The following PCDHGC3 variants were observed in gnomAD, a reference collection of about 807,000 sequenced individuals.
PCDHGC3 encodes protocadherin gamma subfamily C, 3, also known as protocadherin gamma-C3.
PCDHGC3 carries 26 observed loss-of-function variants against 59.2 expected under a neutral mutation model. The observed-to-expected ratio is 0.44, with a 90% CI of 0.32 to 0.61. PCDHGC3 has a LOEUF of 0.61. PCDHGC3 is among the 20% of genes least tolerant of loss of function. PCDHGC3 has a pLI of 0.05. For synonymous variants in PCDHGC3, 487 were observed against 519.7 expected, an observed-to-expected ratio of 0.94 and a Z score of 0.86; for missense variants, 1,080 against 1,221.8, an observed-to-expected ratio of 0.88 and a Z score of 1.73.
Position 141,490,397 on chromosome 5 carries a change from G to A in PCDHGC3, c.2431-4410G>A. 6.2e-7 allele frequency: 1 copy of A among 1,614,170 alleles called. No individual in the cohort carries two copies. Among genetic ancestry groups the A allele is most frequent in the South Asian group, 1.1e-5 (1 of 91,080 alleles). On this transcript the variant is annotated intron_variant, in intron 1 of 3. Coordinates refer to ENST00000308177, the MANE Select transcript of PCDHGC3 (RefSeq NM_002588.4). This position sits in a 1 kb window ranked among gnomAD's most constrained non-coding sequence, Gnocchi z 5.4. ...GACTCAGGTAGAAATGGTGAAGTGA[G>A]CCTTGATATCTCTCCGGACCTGCCA...
chr5:141,477,191 A>C lies in PCDHGC3; in HGVS notation c.1075A>C (p.Ser359Arg). 1 of 1,614,210 alleles carries C rather than the reference A, an allele frequency of 6.2e-7. No individual in the cohort carries two copies. The highest frequency in any genetic ancestry group is 1.1e-5 in the South Asian group (1 of 91,086). Reference protein sequence around the residue: ...APEITVTSVYSPVPEDAPLGT... With the variant: ...APEITVTSVYRPVPEDAPLGT... ...GGAGATCACAGTCACCTCCGTGTAC[A>C]GCCCAGTACCCGAGGATGCCCCTCT... Residue 359 changes from serine to arginine, a missense_variant, in exon 1 of 4, where the codon AGC (serine) becomes CGC (arginine). By Grantham distance (110) the Ser-to-Arg change is moderately radical. Coordinates refer to ENST00000308177, the MANE Select transcript of PCDHGC3 (RefSeq NM_002588.4). This position sits in a 1 kb window ranked among gnomAD's most constrained non-coding sequence, Gnocchi z 4.9.
rs2099749948 is a variant in PCDHGC3 at position 141,493,762 on chromosome 5, C to T, written c.2431-1045C>T. Among the ~76,000 whole-genome samples the T allele has an allele frequency of 1.3e-5, 2 of 152,130 alleles. No homozygotes were observed. Among genetic ancestry groups the T allele is most frequent in the South Asian group, 4.1e-4 (2 of 4,830 alleles). Reference sequence around the variant, plus strand: ...TGCCACCTGTGAGCCTTGAGTGAGCCACTGGCAGTTCCGGAGCTTCCTTCT... The same window carrying T: ...TGCCACCTGTGAGCCTTGAGTGAGCTACTGGCAGTTCCGGAGCTTCCTTCT... On this transcript the variant is annotated intron_variant, in intron 1 of 3. Transcript: ENST00000308177. The surrounding 1 kb of genome is among the most constrained non-coding windows in gnomAD (Gnocchi z 4.3).
chr5:141,477,223 T>C lies in PCDHGC3; in HGVS notation c.1107T>C (p.Thr369=). The C allele has an allele frequency of 6.2e-7, 1 of 1,614,198 alleles. No homozygotes were observed. The change falls in exon 1 of 4, where the codon ACT becomes ACC. Residue 369 remains threonine, a synonymous_variant. Coordinates refer to ENST00000308177, the MANE Select transcript of PCDHGC3 (RefSeq NM_002588.4). This position sits in a 1 kb window ranked among gnomAD's most constrained non-coding sequence, Gnocchi z 4.9. The part of the protein sequence containing the change: ...SPVPEDAPLG[T]VIALLSVTDL... ...TACCCGAGGATGCCCCTCTGGGGAC[T>C]GTCATCGCTTTGCTCAGTGTGACTG... is the stretch of plus-strand genomic sequence containing the variant.
chr5:141,509,477 G>A (rs753058277), intron 3 of PCDHGC3, among the ~76,000 whole-genome samples: 7 of 152,166 alleles, frequency 4.6e-5, no homozygotes, highest in African/African-American at 7.2e-5. Context: ...CAGGTGAGGG[G>A]TAGAGGTGAT....
intron 1 of PCDHGC3, among the ~76,000 whole-genome samples, chr5:141,483,024 G>A (rs1210804345): frequency 6.6e-6 from 1 of 152,094 alleles, no homozygotes; most frequent in Non-Finnish European, 1.5e-5. Context: ...GGCAGAGGTT[G>A]CAATGAGCTG....
chr5:141,486,644 T>G lies in PCDHGC3; in HGVS notation c.2430+8098T>G, dbSNP rs765487821. ...AGACTCTGGCTTGAATGCGCTTATC[T>G]CCTACTCACTCCTGGAGCCCAGGAA... On this transcript the variant is annotated intron_variant, in intron 1 of 3. Transcript: ENST00000308177. This position sits in a 1 kb window ranked among gnomAD's most constrained non-coding sequence, Gnocchi z 5.0. 9.3e-6 allele frequency: 15 copies of G among 1,613,722 alleles called. 2 individuals carry two copies. The Middle Eastern group carries it at 6.6e-4, about 71-fold the overall frequency.
intron 1 of PCDHGC3, among the ~76,000 whole-genome samples, chr5:141,482,791 G>T (rs1039924143): frequency 2.6e-5 from 4 of 152,168 alleles, no homozygotes; most frequent in African/African-American, 9.7e-5. Flanking sequence ...TGTGTGTGTG[G>T]CCGGGTACGG....
rs781651287 is a variant in PCDHGC3, at chr5:141,505,380, A to G, written c.2490-13A>G. ...CCTGGGAGTCTGTGCTCACCATCCT[A>G]CTCTCTCCCCAGCTCCCAAAATGGC... On this transcript the variant is annotated splice_polypyrimidine_tract_variant and intron_variant, in intron 2 of 3. Transcript: ENST00000308177. The G allele has an allele frequency of 4.3e-6, 7 of 1,613,362 alleles. No homozygotes were observed. The African/African-American group carries it at 5.4e-5, about 12-fold the overall frequency.
chr5:141,476,357 C>T lies in PCDHGC3; in HGVS notation c.241C>T (p.Arg81Trp). Residue 81 changes from arginine to tryptophan, a missense_variant, in exon 1 of 4, where the codon CGG (arginine) becomes TGG (tryptophan). Arg to Trp is a moderately radical substitution (Grantham distance 101). Transcript: ENST00000308177. The surrounding 1 kb of genome is among the most constrained non-coding windows in gnomAD (Gnocchi z 7.6). ...TAGCCGAAGATTCTTTGAGGTGAAC[C>T]GGGAGACCGGAGAGATGTTTGTGAA... ...GASRRFFEVNRETGEMFVNDR... is the reference protein window; with the variant it reads ...GASRRFFEVNWETGEMFVNDR... The T allele has an allele frequency of 6.2e-7, 1 of 1,614,052 alleles. No individual in the cohort carries two copies. The highest frequency in any genetic ancestry group is 2.2e-5 in the East Asian group (1 of 44,854).
intron 1 of PCDHGC3, among the ~76,000 whole-genome samples, chr5:141,482,178 C>T (rs950570560): frequency 2.6e-5 from 4 of 151,968 alleles, no homozygotes; most frequent in African/African-American, 4.8e-5. Context: ...TAAGGCTTTA[C>T]GATGCTCCAG....
intron 2 of PCDHGC3, among the ~76,000 whole-genome samples, chr5:141,500,180 TTA>T (rs2099797073): frequency 7.1e-6 from 1 of 140,608 alleles, no homozygotes; most frequent in African/African-American, 2.8e-5. Flanking sequence ...AGCTTCATTT[TTA>T]TTTTTATTTA....
Position 141,485,835 on chromosome 5 carries a change from C to T in PCDHGC3, c.2430+7289C>T, listed in dbSNP as rs747722740. On this transcript the variant is annotated intron_variant, in intron 1 of 3. Transcript: ENST00000308177. This position sits in a 1 kb window ranked among gnomAD's most constrained non-coding sequence, Gnocchi z 5.7. ...ACTGCTGTCGATGGAGGGAACCCGC[C>T]GAGATCTGGCACCGCAGAGCTCCGG... 6.2e-7 allele frequency: 1 copy of T among 1,614,190 alleles called. No homozygotes were observed. Among genetic ancestry groups the T allele is most frequent in the Non-Finnish European group, 8.5e-7 (1 of 1,180,048 alleles).
Position 141,491,730 on chromosome 5 carries a change from C to G in PCDHGC3, c.2431-3077C>G, listed in dbSNP as rs1346666614. 1 of 1,603,920 alleles carries G rather than the reference C, an allele frequency of 6.2e-7. No homozygotes were observed. Among genetic ancestry groups the G allele is most frequent in the Non-Finnish European group, 8.5e-7 (1 of 1,175,836 alleles). ...GGGGCTCGGCGCCGCCCCGGGCGAC[C>G]CCTGGGGGCGGCACTGGAGAAGCCG... On this transcript the variant is annotated intron_variant, in intron 1 of 3. Coordinates refer to ENST00000308177, the MANE Select transcript of PCDHGC3 (RefSeq NM_002588.4). The surrounding 1 kb of genome is among the most constrained non-coding windows in gnomAD (Gnocchi z 6.9).
rs2099402935 is a variant in PCDHGC3, at chr5:141,476,991, G to A, written c.875G>A (p.Arg292Gln). The change falls in exon 1 of 4, where the codon CGG becomes CAG. Residue 292 changes from arginine (R) to glutamine (Q), a missense_variant. By Grantham distance (43) the Arg-to-Gln change is conservative. Transcript: ENST00000308177. The surrounding 1 kb of genome is among the most constrained non-coding windows in gnomAD (Gnocchi z 7.6). ...GGCAGCCACAACCGCGCCGGCGTGC[G>A]GCAACTATTCGCCTTAGACCTTGTA... ...SFGSHNRAGVRQLFALDLVTG... is the reference protein window; with the variant it reads ...SFGSHNRAGVQQLFALDLVTG... 4 of 1,614,094 alleles carry A rather than the reference G, an allele frequency of 2.5e-6. No homozygotes were observed. Among genetic ancestry groups the A allele is most frequent in the Non-Finnish European group, 3.4e-6 (4 of 1,180,056 alleles).
rs192747939 is a variant in PCDHGC3 at position 141,487,483 on chromosome 5, T to C, written c.2431-7324T>C. 12 of 1,614,224 alleles carry C rather than the reference T, an allele frequency of 7.4e-6. No individual in the cohort carries two copies. In the Admixed American group the frequency reaches 1.8e-4, roughly 25 times the overall value. On this transcript the variant is annotated intron_variant, in intron 1 of 3. Coordinates refer to ENST00000308177, the MANE Select transcript of PCDHGC3 (RefSeq NM_002588.4). This position sits in a 1 kb window ranked among gnomAD's most constrained non-coding sequence, Gnocchi z 5.0. ...TTGTTGATGTGGGAGGCCACTCTCA[T>C]GGCTGTACACCCTTGGCTTCTGCAC... is the stretch of plus-strand genomic sequence containing the variant.
chr5:141,492,064 C>T (rs1562152072), intron 1 of PCDHGC3: 3 of 484,366 alleles, frequency 6.2e-6, no homozygotes, highest in Non-Finnish European at 1.1e-5. Context: ...AGCCAGCCTC[C>T]TAGGCGCCGG....
chr5:141,476,747 C>A lies in PCDHGC3; in HGVS notation c.631C>A (p.Gln211Lys). 1 of 1,614,066 alleles carries A rather than the reference C, an allele frequency of 6.2e-7. No homozygotes were observed. The highest frequency in any genetic ancestry group is 1.3e-5 in the African/African-American group (1 of 75,074). Residue 211 changes from glutamine to lysine, a missense_variant, in exon 1 of 4, where the codon CAG becomes AAG. By Grantham distance (53) the Gln-to-Lys change is moderately conservative. Transcript: ENST00000308177. The surrounding 1 kb of genome is among the most constrained non-coding windows in gnomAD (Gnocchi z 7.6). Reference protein sequence around the residue: ...ALDREREPSLQLVLTALDGGT... With the variant: ...ALDREREPSLKLVLTALDGGT... ...GGACCGAGAACGGGAGCCTAGTCTCCAGTTAGTGCTGACGGCGTTGGACGG... is the reference window on the plus strand; with the variant it reads ...GGACCGAGAACGGGAGCCTAGTCTCAAGTTAGTGCTGACGGCGTTGGACGG...
intron 2 of PCDHGC3, among the ~76,000 whole-genome samples, chr5:141,498,971 G>GGGAAGGAA (rs201769957): frequency 0.022 from 2,449 of 111,032 alleles, 52 homozygotes; most frequent in African/African-American, 0.046. Flanking sequence ...GAGGGAGGGA[G>GGGAAGGAA]GGAAGGAAGG....
At position 141,511,241 on chromosome 5, in the gene PCDHGC3, C is replaced by T; in HGVS notation, c.*68C>T. On this transcript the variant is annotated 3_prime_UTR_variant, in exon 4 of 4. Transcript: ENST00000308177. ...CCAGCCCAGCTTCTCCTTACCTGCA[C>T]CCAGGCCTCAGAGTTTCAGGGCTAA... The T allele has an allele frequency of 2.5e-6, 4 of 1,585,214 alleles. No individual in the cohort carries two copies. Among genetic ancestry groups the T allele is most frequent in the Non-Finnish European group, 3.4e-6 (4 of 1,165,762 alleles).
Sources: gnomAD v4.1 joint callset for allele counts (sites outside exome capture counted in the v4.1 genomes callset) on GRCh38, gnomAD v4.1.1 for gene constraint, Gnocchi (gnomAD v3.1) non-coding constraint, MANE v1.5 for transcripts, NCBI Gene and HGNC (gene_info 2026-07-23, HGNC 2026-07-21) for gene names.